Variants in MLPH observed in about 807,000 individuals in gnomAD.
MLPH encodes the protein melanophilin.
Under a neutral mutation model 72.1 loss-of-function variants are expected in MLPH, and 51 were observed. That is an observed-to-expected ratio of 0.71 (90% CI 0.56 to 0.89). The LOEUF (loss-of-function observed/expected upper bound fraction) is 0.89. Ranked by LOEUF, MLPH falls within the 40% of genes least tolerant of loss-of-function variation. The pLI is 0.00. For synonymous variants in MLPH, 301 were observed against 310.1 expected (o/e 0.97, Z 0.31); for missense variants, 743 against 759.9 (o/e 0.98, Z 0.26).
intron 10 of MLPH, 34 bp downstream of exon 10, chr2:237,540,567 C>T: frequency 6.3e-7 from 1 of 1,596,290 alleles, no homozygotes; most frequent in East Asian, 2.3e-5. Context: ...CAGCAGGACC[C>T]TGCAGAGGTA....
chr2:237,508,598 C>T (rs1257416831), intron 2 of MLPH, among the ~76,000 whole-genome samples: 1 of 152,174 alleles, frequency 6.6e-6, no homozygotes, highest in Non-Finnish European at 1.5e-5. Context: ...TTGTGACTCA[C>T]CCCCCTAAAG....
chr2:237,520,362 G>A (rs74538815), intron 6 of MLPH, among the ~76,000 whole-genome samples: 230 of 152,234 alleles, frequency 1.5e-3, no homozygotes, highest in African/African-American at 4.9e-3. Flanking sequence ...TCAGGAGGGC[G>A]GGACAGAGAA....
In MLPH at chr2:237,541,245, C is replaced by T. The variant is rs960325849; in HGVS notation, c.1446+288C>T. 8.5e-5 allele frequency among the ~76,000 whole-genome samples: 13 copies of T among 152,172 alleles called. No homozygotes were observed. Among genetic ancestry groups the T allele is most frequent in the Non-Finnish European group, 2.9e-5 (2 of 68,042 alleles). The stretch of plus-strand genomic sequence containing the variant: ...AAGGTGCTGAACACACAATCCCTGA[C>T]CCAGGATGGGGGCCTAGAAGCAGGC... On this transcript the variant is annotated intron_variant, in intron 11 of 15. Coordinates refer to ENST00000264605, the MANE Select transcript of MLPH (RefSeq NM_024101.7). This position sits in a 1 kb window ranked among gnomAD's most constrained non-coding sequence, Gnocchi z 5.1.
At chr2:237,518,483 T>A in intron 4 of MLPH, 56 bp from the exon 5 acceptor site, 1 of 1,432,868 alleles carries the variant, frequency 7.0e-7, no homozygotes, top group Non-Finnish European at 9.7e-7. Flanking sequence ...GGCTGACAAA[T>A]GGCTTGTTCC....
At chr2:237,553,374 G>A (rs1288756120) in intron 15 of MLPH, 192 bp from the exon 16 acceptor site, 2 of 673,780 alleles carry the variant, frequency 3.0e-6, no homozygotes, top group Non-Finnish European at 5.4e-6. Context: ...TTGGCCTTAG[G>A]TTCCCTGCCT....
chr2:237,534,523 C>G (rs772576861), intron 8 of MLPH, 41 bp from the exon 9 acceptor site: 8 of 1,539,414 alleles, frequency 5.2e-6, no homozygotes, highest in Non-Finnish European at 6.3e-6. Context: ...GGTTGGAGTG[C>G]ACTGGGTCCT....
intron 4 of MLPH, among the ~76,000 whole-genome samples, chr2:237,514,841 C>T (rs2079980196): frequency 6.6e-6 from 1 of 152,182 alleles, no homozygotes; most frequent in African/African-American, 2.4e-5. Context: ...AAACTGAGGC[C>T]CTCTGAGCCC....
chr2:237,515,555 G>A (rs913575574), intron 4 of MLPH, among the ~76,000 whole-genome samples: 6 of 152,168 alleles, frequency 3.9e-5, no homozygotes, highest in Non-Finnish European at 8.8e-5. Flanking sequence ...CAGAAACCAC[G>A]CGGTCGTTTC....
intron 12 of MLPH, 124 bp from the exon 13 acceptor site, chr2:237,546,482 T>A (rs1293178676): frequency 2.4e-6 from 2 of 839,402 alleles, no homozygotes; most frequent in African/African-American, 1.7e-5. Flanking sequence ...GGCTGTGCAG[T>A]CCCAGCATCC....
At chr2:237,498,218 G>A (rs1022233503) in intron 2 of MLPH, among the ~76,000 whole-genome samples, 6 of 152,168 alleles carry the variant, frequency 3.9e-5, no homozygotes, top group Admixed American at 2.0e-4. Flanking sequence ...GCTTAAGAGC[G>A]GATTCACTTA....
At chr2:237,506,346 A>G (rs931253037) in intron 2 of MLPH, among the ~76,000 whole-genome samples, 3 of 152,164 alleles carry the variant, frequency 2.0e-5, no homozygotes, top group Non-Finnish European at 4.4e-5. Context: ...GCTTTTGCAA[A>G]TCTCTTTAAT....
chr2:237,511,100 A>T lies in MLPH; in HGVS notation c.444A>T (p.Gly148=). 6.2e-7 allele frequency: 1 copy of T among 1,612,886 alleles called. No homozygotes were observed. The change falls in exon 4 of 16, where the codon GGA becomes GGT. Residue 148 remains glycine, a splice_region_variant and synonymous_variant. Coordinates refer to ENST00000264605, the MANE Select transcript of MLPH (RefSeq NM_024101.7). ...CCCTCCACGGGCGGCTGCAGGGTGG[A>T]GGTAAGGAGTGGAGAGTAAGAACGG... is the stretch of plus-strand genomic sequence containing the variant. ...IRSLHGRLQG[G]AGPELISEER...
rs2080983255 is a variant in MLPH at position 237,549,230 on chromosome 2, G to GTGCC, written c.1628_1631dup (p.Tyr545AlafsTer10). ...ACTCTGTTTCTTCTAGGCAATGGCT[G>GTGCC]TGCCCTATCTTCTGAGAAGAAAGTT... On this transcript the variant is annotated frameshift_variant, in exon 14 of 16. Coordinates refer to ENST00000264605, the MANE Select transcript of MLPH (RefSeq NM_024101.7). LOFTEE classifies it high-confidence loss of function. 1.2e-6 allele frequency: 2 copies of GTGCC among 1,614,108 alleles called. No individual in the cohort carries two copies.
Position 237,510,136 on chromosome 2 carries a change from G to C in MLPH, c.111-438G>C. On this transcript the variant is annotated intron_variant, in intron 2 of 15. Transcript: ENST00000264605. This position sits in a 1 kb window ranked among gnomAD's most constrained non-coding sequence, Gnocchi z 4.4. ...CGAGCCATTTCAGCTGCGCTCTAGA[G>C]GAGCAAACCTGGGGCGTTAGCTCAA... 1 of 284,456 alleles carries C rather than the reference G, an allele frequency of 3.5e-6. No individual in the cohort carries two copies. Among genetic ancestry groups the C allele is most frequent in the African/African-American group, 2.2e-5 (1 of 45,458 alleles). 17.6% of individuals were successfully genotyped at this position (284,456 alleles called of 1,614,324 possible).
rs149190287 is a variant in MLPH, at chr2:237,515,306, G to A, written c.446-3233G>A. Among the ~76,000 whole-genome samples the A allele has an allele frequency of 2.2e-3, 339 of 152,312 alleles. 1 individual carries two copies. The highest frequency in any genetic ancestry group is 7.4e-3 in the African/African-American group (308 of 41,570). On this transcript the variant is annotated intron_variant, in intron 4 of 15. Coordinates refer to ENST00000264605, the MANE Select transcript of MLPH (RefSeq NM_024101.7). Reference sequence around the variant, plus strand: ...CGGTGATTGATTGAGTACATCCGCCGAATGCTCGCCAGGTGCCGGGTCCTG... The same window carrying A: ...CGGTGATTGATTGAGTACATCCGCCAAATGCTCGCCAGGTGCCGGGTCCTG...
intron 1 of MLPH, among the ~76,000 whole-genome samples, chr2:237,489,016 G>A (rs1177485624): frequency 6.6e-6 from 1 of 151,996 alleles, no homozygotes; most frequent in African/African-American, 2.4e-5. Flanking sequence ...CATCATCCAG[G>A]GCTGGAGAGG....
Position 237,545,524 on chromosome 2 carries a change from A to G in MLPH, c.1540-1082A>G, listed in dbSNP as rs573402471. The G allele has an allele frequency of 4.7e-5, 60 of 1,289,096 alleles. No homozygotes were observed. In the South Asian group the frequency reaches 7.0e-4, roughly 15 times the overall value. The allele number at this position is 1,289,096 out of a possible 1,614,324, so 79.9% of individuals were successfully genotyped here. ...AAACACACACACCCTGACAGTGTAA[A>G]ATCCAAAAGGAGCCGCCTGAATCAT... On this transcript the variant is annotated intron_variant, in intron 12 of 15. Coordinates refer to ENST00000264605, the MANE Select transcript of MLPH (RefSeq NM_024101.7).
At chr2:237,517,487 G>T (rs989480882) in intron 4 of MLPH, among the ~76,000 whole-genome samples, 99 of 151,400 alleles carry the variant, frequency 6.5e-4, no homozygotes, top group African/African-American at 2.3e-3. Context: ...AAGTGGATGG[G>T]TGGATAGATG....
rs2079862308 is a variant in MLPH, at chr2:237,510,286, A to G, written c.111-288A>G. The G allele has an allele frequency of 2.1e-5, 10 of 466,382 alleles. No individual in the cohort carries two copies. In the East Asian group the frequency reaches 4.2e-4, roughly 20 times the overall value. 28.9% of individuals were successfully genotyped at this position (466,382 alleles called of 1,614,324 possible). On this transcript the variant is annotated intron_variant, in intron 2 of 15. Coordinates refer to ENST00000264605, the MANE Select transcript of MLPH (RefSeq NM_024101.7). The surrounding 1 kb of genome is among the most constrained non-coding windows in gnomAD (Gnocchi z 4.4). ...GTGACCTGCCAACCAAAATTGGTACAATTGTAAACAGCCACAGAAATGCTT... is the reference window on the plus strand; with the variant it reads ...GTGACCTGCCAACCAAAATTGGTACGATTGTAAACAGCCACAGAAATGCTT...
Sources: gnomAD v4.1 joint callset for allele counts (sites outside exome capture counted in the v4.1 genomes callset) on GRCh38, gnomAD v4.1.1 for gene constraint, Gnocchi (gnomAD v3.1) non-coding constraint, MANE v1.5 for transcripts, NCBI Gene and HGNC (gene_info 2026-07-23, HGNC 2026-07-21) for gene names.